TACC1: variants seen among roughly 807,000 people sequenced by gnomAD.
The protein encoded by TACC1 is transforming acidic coiled-coil containing protein 1, also known as transforming acidic coiled-coil-containing protein 1.
In TACC1, 48 loss-of-function variants were observed where a neutral mutation model predicts 84.4. The observed-to-expected ratio is 0.57, with a 90% CI of 0.45 to 0.72. The LOEUF (loss-of-function observed/expected upper bound fraction) is 0.72, where lower values mean the gene tolerates loss of function less well. Ranked by LOEUF, TACC1 falls within the 30% of genes least tolerant of loss-of-function variation. The pLI is 0.00. For synonymous variants in TACC1, 372 were observed against 376.3 expected (o/e 0.99, Z 0.13); for missense variants, 920 against 973.0 (o/e 0.95, Z 0.72).
upstream of TACC1, among the ~76,000 whole-genome samples, chr8:38,783,425 C>CT (rs781284271): frequency 9.0e-3 from 1,267 of 141,504 alleles, 6 homozygotes; most frequent in African/African-American, 0.012. Context: ...AGAGTATTTT[C>CT]TTTTTTTTTT....
chr8:38,831,009 G>T (rs1431706568), intron 5 of TACC1, 116 bp from the exon 6 acceptor site: 1 of 838,790 alleles, frequency 1.2e-6, no homozygotes, highest in Non-Finnish European at 1.9e-6. Context: ...ATCTTAAAAT[G>T]CTTTTCATGT....
intron 3 of TACC1, among the ~76,000 whole-genome samples, chr8:38,753,045 T>C (rs1809331088): frequency 6.6e-6 from 1 of 152,164 alleles, no homozygotes; most frequent in South Asian, 2.1e-4. Context: ...GCATAAATTG[T>C]GATTGCATAA....
At chr8:38,762,193 A>G (rs1191421432) in intron 3 of TACC1, among the ~76,000 whole-genome samples, 13 of 152,182 alleles carry the variant, frequency 8.5e-5, no homozygotes, top group Non-Finnish European at 1.5e-4. Context: ...CATTAAGTAC[A>G]TTGGACAACC....
At chr8:38,825,414 T>C (rs1588028762) in intron 4 of TACC1, 46 bp downstream of exon 4, 1 of 1,608,258 alleles carries the variant, frequency 6.2e-7, no homozygotes, top group East Asian at 2.2e-5. Context: ...CCAGGGGTCC[T>C]CCAGTGGGAG....
At chr8:38,735,673 GC>G (rs1365922103) in intron 1 of TACC1, among the ~76,000 whole-genome samples, 4 of 152,164 alleles carry the variant, frequency 2.6e-5, no homozygotes, top group Admixed American at 2.0e-4. Flanking sequence ...ACAGTGGGCA[GC>G]CCTGGGCTAC....
At chr8:38,751,895 A>G (rs548595133) in intron 3 of TACC1, among the ~76,000 whole-genome samples, 23 of 152,194 alleles carry the variant, frequency 1.5e-4, no homozygotes, top group Non-Finnish European at 2.9e-4. Context: ...TAATAAATCT[A>G]AAGCACTTAG....
At chr8:38,819,409 A>T in intron 2 of TACC1, 113 bp from the exon 3 acceptor site, 1 of 1,239,082 alleles carries the variant, frequency 8.1e-7, no homozygotes, top group Middle Eastern at 2.8e-4. Flanking sequence ...AGAGATGCTT[A>T]ATAAAAGCAA....
chr8:38,806,104 G>A lies in TACC1; in HGVS notation c.278-13418G>A, dbSNP rs1180846353. Among the ~76,000 whole-genome samples, 6 of 152,322 alleles carry A rather than the reference G, an allele frequency of 3.9e-5. 1 individual carries two copies. The highest frequency in any genetic ancestry group is 2.6e-4 in the Admixed American group (4 of 15,308). ...ACTAATGAGGACAGAGTAGAGGAGC[G>A]AGGGGATAATTCTATCTGTTTGAGA... On this transcript the variant is annotated intron_variant, in intron 2 of 12. Transcript: ENST00000317827.
chr8:38,845,354 A>T (rs570660193), intron 11 of TACC1, among the ~76,000 whole-genome samples: 2 of 152,286 alleles, frequency 1.3e-5, no homozygotes, highest in Admixed American at 1.3e-4. Context: ...TTTCTTATGC[A>T]TTCTTCTCCA....
intron 1 of TACC1, among the ~76,000 whole-genome samples, chr8:38,742,087 C>G (rs1807185966): frequency 6.6e-6 from 1 of 152,226 alleles, no homozygotes. Flanking sequence ...GGTCACAGGT[C>G]TGAAGCATGA....
intron 3 of TACC1, among the ~76,000 whole-genome samples, chr8:38,761,678 T>C (rs1811233276): frequency 6.6e-6 from 1 of 152,250 alleles, no homozygotes; most frequent in African/African-American, 2.4e-5. Context: ...TTCAAATTTA[T>C]AATATTGTTT....
chr8:38,784,305 G>T (rs62505819), upstream of TACC1, among the ~76,000 whole-genome samples: 29,135 of 152,142 alleles, frequency 0.19, 3,436 homozygotes, highest in Non-Finnish European at 0.27. Flanking sequence ...GGGTGCGGTG[G>T]CTCACACCTA....
chr8:38,825,455 G>A, intron 4 of TACC1, 87 bp downstream of exon 4: 1 of 1,463,126 alleles, frequency 6.8e-7, no homozygotes, highest in Non-Finnish European at 9.6e-7. Flanking sequence ...GGTTCAAAAG[G>A]ACTTTCCAAT....
chr8:38,843,476 C>T (rs1247573662), intron 11 of TACC1, 81 bp downstream of exon 11: 19 of 972,396 alleles, frequency 2.0e-5, no homozygotes, highest in Non-Finnish European at 2.6e-5. Flanking sequence ...CACTGTTTCG[C>T]AACTCCAGGT....
chr8:38,767,000 C>A (rs1812374992), intron 3 of TACC1, among the ~76,000 whole-genome samples: 1 of 152,212 alleles, frequency 6.6e-6, no homozygotes, highest in African/African-American at 2.4e-5. Context: ...CCAGCCCATT[C>A]TGTAGCTAAA....
chr8:38,774,078 C>T (rs1814282135), intron 3 of TACC1, among the ~76,000 whole-genome samples: 1 of 152,188 alleles, frequency 6.6e-6, no homozygotes, highest in Non-Finnish European at 1.5e-5. Flanking sequence ...ACCACGCTTA[C>T]TCAAAACTGG....
intron 3 of TACC1, among the ~76,000 whole-genome samples, chr8:38,752,993 G>A (rs1809323808): frequency 6.6e-6 from 1 of 152,124 alleles, no homozygotes; most frequent in African/African-American, 2.4e-5. Context: ...ACCACACCAA[G>A]GGAGAGGACA....
intron 2 of TACC1, among the ~76,000 whole-genome samples, chr8:38,813,850 G>A (rs968386067): frequency 1.3e-5 from 2 of 151,998 alleles, no homozygotes; most frequent in Non-Finnish European, 2.9e-5. Context: ...ATTTGGTCTC[G>A]GCAGAAATCC....
In TACC1 at chr8:38,851,577, C is replaced by T. The variant is rs1050968347; in HGVS notation, c.*3554C>T. The stretch of plus-strand genomic sequence containing the variant: ...TAGTGGAGTGAAAGTTCTGAAGCCC[C>T]CTTTTAACTTCCTCTTGGTTTTTCA... On this transcript the variant is annotated 3_prime_UTR_variant, in exon 13 of 13. Coordinates refer to ENST00000317827, the MANE Select transcript of TACC1 (RefSeq NM_006283.3). The T allele has an allele frequency of 5.2e-6, 1 of 193,648 alleles. No individual in the cohort carries two copies. 12.0% of individuals were successfully genotyped at this position (193,648 alleles called of 1,614,324 possible).
Sources: gnomAD v4.1 joint callset for allele counts (sites outside exome capture counted in the v4.1 genomes callset) on GRCh38, gnomAD v4.1.1 for gene constraint, MANE v1.5 for transcripts, NCBI Gene and HGNC (gene_info 2026-07-23, HGNC 2026-07-21) for gene names.